PEAK1: variants seen among roughly 807,000 people sequenced by gnomAD.
PEAK1 encodes inactive tyrosine-protein kinase PEAK1.
Under a neutral mutation model 124.7 loss-of-function variants are expected in PEAK1, and 54 were observed. That is an observed-to-expected ratio of 0.43 (90% CI 0.35 to 0.54). PEAK1 has a LOEUF of 0.54. Ranked by LOEUF, PEAK1 falls within the 20% of genes least tolerant of loss-of-function variation. PEAK1 has a pLI of 0.01. For missense variants in PEAK1, 2,046 were observed against 2,134.5 expected, an observed-to-expected ratio of 0.96 and a Z score of 0.82; for synonymous variants, 719 against 760.0, an observed-to-expected ratio of 0.95 and a Z score of 0.89.
chr15:77,376,567 A>T (rs2069046576), intron 1 of PEAK1, among the ~76,000 whole-genome samples: 1 of 152,180 alleles, frequency 6.6e-6, no homozygotes, highest in Non-Finnish European at 1.5e-5. Flanking sequence ...CTCTTTCTGG[A>T]AACATTTTCA....
intron 9 of PEAK1, among the ~76,000 whole-genome samples, chr15:77,124,114 C>T (rs1351952826): frequency 1.3e-5 from 2 of 152,256 alleles, no homozygotes; most frequent in Non-Finnish European, 2.9e-5. Context: ...GCTTACAAGA[C>T]ATTAAATTCT....
intron 6 of PEAK1, among the ~76,000 whole-genome samples, chr15:77,233,434 C>T (rs1387067588): frequency 1.3e-5 from 2 of 152,168 alleles, no homozygotes; most frequent in African/African-American, 2.4e-5. Context: ...ATTTCCTTCT[C>T]TAGCTTCTGG....
intron 7 of PEAK1, among the ~76,000 whole-genome samples, chr15:77,171,493 TA>T (rs1342110698): frequency 5.3e-5 from 8 of 150,608 alleles, no homozygotes; most frequent in Admixed American, 1.3e-4. Flanking sequence ...CTCATAGGAG[TA>T]AAAAGTAGAA....
Position 77,297,981 on chromosome 15 carries a change from C to T in PEAK1, c.-602-11477G>A, listed in dbSNP as rs535620195. On this transcript the variant is annotated intron_variant, in intron 2 of 9. Coordinates refer to ENST00000682557, the MANE Select transcript of PEAK1 (RefSeq NM_001385026.1). Reference sequence around the variant, plus strand: ...GCTGAGGCAGGAGAATGGCGTGAAGCCGGGAAGCGGAGCTTGCAGTGAGCC... The same window carrying T: ...GCTGAGGCAGGAGAATGGCGTGAAGTCGGGAAGCGGAGCTTGCAGTGAGCC... 7.2e-5 allele frequency among the ~76,000 whole-genome samples: 10 copies of T among 139,240 alleles called. No homozygotes were observed. The South Asian group carries it at 2.0e-3, about 28-fold the overall frequency. The allele number at this position is 139,240 out of a possible 152,430, so 91.3% of individuals were successfully genotyped here.
At chr15:77,226,044 G>GATATATATAATATATAA (rs57675196) in intron 6 of PEAK1, among the ~76,000 whole-genome samples, 1 of 45,000 alleles carries the variant, frequency 2.2e-5, no homozygotes, top group South Asian at 7.5e-4. Flanking sequence ...AAAATAAAGG[G>GATATATATAATATATAA]ATATATATAT....
downstream of PEAK1, chr15:77,105,357 T>TGTGTGTGTGCGCGCGC (rs1555407960): frequency 4.7e-5 from 4 of 85,348 alleles, no homozygotes; most frequent in African/African-American, 1.7e-4. Flanking sequence ...TGTGTGTGTG[T>TGTGTGTGTGCGCGCGC]GCGCGCGTGC....
chr15:77,302,964 C>A (rs1235577417), intron 2 of PEAK1, among the ~76,000 whole-genome samples: 1 of 152,148 alleles, frequency 6.6e-6, no homozygotes, highest in Non-Finnish European at 1.5e-5. Flanking sequence ...AACCACTGAT[C>A]TTTTTACCAA....
At chr15:77,313,779 T>C (rs1407815911) in intron 2 of PEAK1, among the ~76,000 whole-genome samples, 1 of 149,240 alleles carries the variant, frequency 6.7e-6, no homozygotes, top group Non-Finnish European at 1.5e-5. Context: ...ATGGGATTTC[T>C]CCATGTTGGT....
At chr15:77,153,167 G>T (rs2054807709) in intron 8 of PEAK1, among the ~76,000 whole-genome samples, 1 of 152,088 alleles carries the variant, frequency 6.6e-6, no homozygotes, top group African/African-American at 2.4e-5. Flanking sequence ...CAATTTCAGA[G>T]CCTGTTATTG....
chr15:77,330,960 A>C, intron 2 of PEAK1: 4 of 852,848 alleles, frequency 4.7e-6, no homozygotes, highest in Non-Finnish European at 5.6e-6. Flanking sequence ...GTAGGTACTA[A>C]GTATTTGTGA....
chr15:77,310,213 A>G (rs1400874757), intron 2 of PEAK1, among the ~76,000 whole-genome samples: 1 of 152,156 alleles, frequency 6.6e-6, no homozygotes, highest in Non-Finnish European at 1.5e-5. Flanking sequence ...GTTTAAACTT[A>G]TGGCCAAATC....
intron 1 of PEAK1, among the ~76,000 whole-genome samples, chr15:77,384,173 A>C (rs184777769): frequency 6.6e-6 from 1 of 151,852 alleles, no homozygotes; most frequent in Admixed American, 6.6e-5. Flanking sequence ...TAACCTAGCT[A>C]GATCTGAAAT....
intron 8 of PEAK1, among the ~76,000 whole-genome samples, chr15:77,153,110 ATCT>A (rs1330410128): frequency 6.6e-6 from 1 of 150,926 alleles, no homozygotes; most frequent in Non-Finnish European, 1.5e-5. Flanking sequence ...CTGTGAATCC[ATCT>A]GGTCCTGGAC....
intron 7 of PEAK1, among the ~76,000 whole-genome samples, chr15:77,175,211 A>G (rs2056777293): frequency 6.6e-6 from 1 of 152,036 alleles, no homozygotes; most frequent in South Asian, 2.1e-4. Context: ...TCATGTCTAA[A>G]ACACCAAAAG....
chr15:77,129,197 G>A (rs1172988149), intron 9 of PEAK1, among the ~76,000 whole-genome samples: 1 of 152,230 alleles, frequency 6.6e-6, no homozygotes, highest in Non-Finnish European at 1.5e-5. Flanking sequence ...GTGGCTGGCT[G>A]TAAGCCAGGA....
At position 77,133,193 on chromosome 15, in the gene PEAK1, C is replaced by T. The variant is rs781059716; in HGVS notation, c.3889G>A (p.Ala1297Thr). Residue 1297 changes from alanine (A) to threonine (T), a missense_variant, in exon 9 of 10, where the codon GCC becomes ACC. Coordinates refer to ENST00000682557, the MANE Select transcript of PEAK1 (RefSeq NM_001385026.1). This position sits in a 1 kb window ranked among gnomAD's most constrained non-coding sequence, Gnocchi z 4.2. Reference protein sequence around the residue: ...VGKIRSLHTDALKKLAVKCED... With the variant: ...VGKIRSLHTDTLKKLAVKCED... Reference sequence around the variant, plus strand: ...CATTTAACAGCCAGTTTCTTCAAGGCATCTGTATGAAGGCTTCGGATTTTA... The same window carrying T: ...CATTTAACAGCCAGTTTCTTCAAGGTATCTGTATGAAGGCTTCGGATTTTA... 4 of 1,614,094 alleles carry T rather than the reference C, an allele frequency of 2.5e-6. No individual in the cohort carries two copies. The East Asian group carries it at 6.7e-5, about 27-fold the overall frequency.
At chr15:77,320,777 A>AT (rs2065155327) in intron 2 of PEAK1, among the ~76,000 whole-genome samples, 1 of 152,272 alleles carries the variant, frequency 6.6e-6, no homozygotes. Flanking sequence ...GTCATTTAAC[A>AT]TTAGGTACAT....
At position 77,305,703 on chromosome 15, in the gene PEAK1, G is replaced by A. The variant is rs2064063155; in HGVS notation, c.-602-19199C>T. Among the ~76,000 whole-genome samples, 5 of 152,244 alleles carry A rather than the reference G, an allele frequency of 3.3e-5. No homozygotes were observed. In the South Asian group the frequency reaches 1.0e-3, roughly 32 times the overall value. On this transcript the variant is annotated intron_variant, in intron 2 of 9. Coordinates refer to ENST00000682557, the MANE Select transcript of PEAK1 (RefSeq NM_001385026.1). Reference sequence around the variant, plus strand: ...CATTATCTGTGGGGAATTGGTTCCAGGACCCCTGTGAACACTAAAATCTGC... The same window carrying A: ...CATTATCTGTGGGGAATTGGTTCCAAGACCCCTGTGAACACTAAAATCTGC...
intron 1 of PEAK1, among the ~76,000 whole-genome samples, chr15:77,382,261 A>G (rs2069545369): frequency 6.6e-6 from 1 of 152,216 alleles, no homozygotes; most frequent in African/African-American, 2.4e-5. Flanking sequence ...TGGTAACACA[A>G]GGCCCCTAAT....
Sources: gnomAD v4.1 joint callset for allele counts (sites outside exome capture counted in the v4.1 genomes callset) on GRCh38, gnomAD v4.1.1 for gene constraint, Gnocchi (gnomAD v3.1) non-coding constraint, MANE v1.5 for transcripts, NCBI Gene and HGNC (gene_info 2026-07-23, HGNC 2026-07-21) for gene names.